The following BBS9 variants were observed in gnomAD, a reference collection of about 807,000 sequenced individuals.
BBS9 encodes the protein protein PTHB1.
BBS9 carries 89 observed loss-of-function variants against 117.7 expected under a neutral mutation model. The ratio of observed to expected loss-of-function variants is 0.76; its 90% CI spans 0.64 to 0.90. The LOEUF is 0.90. BBS9 is among the 40% of genes least tolerant of loss of function. The pLI is 0.00. For missense variants in BBS9, 982 were observed against 1,042.2 expected (o/e 0.94, Z 0.80); for synonymous variants, 379 against 370.9 (o/e 1.02, Z -0.25).
chr7:33,512,252 T>A (rs1847077607), intron 20 of BBS9, among the ~76,000 whole-genome samples: 1 of 152,094 alleles, frequency 6.6e-6, no homozygotes, highest in South Asian at 2.1e-4. Flanking sequence ...TTTTGAAAAA[T>A]TGAAATAGTT....
intron 21 of BBS9, among the ~76,000 whole-genome samples, chr7:33,581,749 C>T (rs1859963959): frequency 6.6e-6 from 1 of 152,092 alleles, no homozygotes; most frequent in Admixed American, 6.6e-5. Context: ...TATATGATCT[C>T]ATTTTATCCT....
chr7:33,539,346 A>T (rs1451895497), intron 21 of BBS9, among the ~76,000 whole-genome samples: 2 of 152,148 alleles, frequency 1.3e-5, no homozygotes, highest in African/African-American at 4.8e-5. Flanking sequence ...CTCCCATGTT[A>T]TGGCTACGTA....
At chr7:33,308,742 A>G (rs1282632448) in intron 9 of BBS9, among the ~76,000 whole-genome samples, 1 of 152,210 alleles carries the variant, frequency 6.6e-6, no homozygotes, top group African/African-American at 2.4e-5. Context: ...CCACATCAGT[A>G]CTTTATGAAC....
At chr7:33,584,733 T>A (rs956786426) in intron 21 of BBS9, among the ~76,000 whole-genome samples, 11 of 152,154 alleles carry the variant, frequency 7.2e-5, no homozygotes, top group Non-Finnish European at 5.9e-5. Flanking sequence ...TACATATACA[T>A]GCATGAGATT....
At chr7:33,194,824 A>AT (rs1293556198) in intron 5 of BBS9, among the ~76,000 whole-genome samples, 2 of 152,270 alleles carry the variant, frequency 1.3e-5, no homozygotes, top group East Asian at 3.9e-4. Flanking sequence ...TCTAGCAGGA[A>AT]TTTTTATATT....
chr7:33,298,302 A>G (rs1805684580), intron 9 of BBS9, among the ~76,000 whole-genome samples: 1 of 152,126 alleles, frequency 6.6e-6, no homozygotes, highest in African/African-American at 2.4e-5. Context: ...AAGCTATTTA[A>G]GTTCTCTGTG....
intron 7 of BBS9, among the ~76,000 whole-genome samples, chr7:33,266,014 T>C (rs1324861309): frequency 2.0e-5 from 3 of 152,186 alleles, no homozygotes; most frequent in Non-Finnish European, 4.4e-5. Context: ...TTGTTTCTTA[T>C]AGTCTGCACT....
intron 21 of BBS9, among the ~76,000 whole-genome samples, chr7:33,574,047 C>G (rs1858288781): frequency 6.6e-6 from 1 of 152,042 alleles, no homozygotes; most frequent in African/African-American, 2.4e-5. Context: ...ATGTGGGGTC[C>G]CAGTGCCCAC....
chr7:33,177,703 A>G, intron 5 of BBS9, 112 bp downstream of exon 5: 1 of 803,106 alleles, frequency 1.2e-6, no homozygotes, highest in Non-Finnish European at 2.1e-6. Context: ...TAAAATAGAC[A>G]TTTTATTGAA....
At chr7:33,488,903 T>C (rs1386209621) in intron 19 of BBS9, among the ~76,000 whole-genome samples, 1 of 152,016 alleles carries the variant, frequency 6.6e-6, no homozygotes, top group Non-Finnish European at 1.5e-5. Flanking sequence ...GTTTACTTGG[T>C]TTTTAGCAGA....
At chr7:33,321,593 C>T (rs561870092) in intron 9 of BBS9, among the ~76,000 whole-genome samples, 129 of 151,918 alleles carry the variant, frequency 8.5e-4, no homozygotes, top group Admixed American at 3.1e-3. Context: ...TGCAAATTTA[C>T]GGAATTTGTT....
intron 9 of BBS9, among the ~76,000 whole-genome samples, chr7:33,319,587 G>A (rs1811257686): frequency 6.6e-6 from 1 of 152,042 alleles, no homozygotes; most frequent in South Asian, 2.1e-4. Context: ...TTTTTTTGCA[G>A]GAGTAAGGTG....
intron 19 of BBS9, among the ~76,000 whole-genome samples, chr7:33,412,219 G>A (rs928386751): frequency 6.6e-6 from 1 of 152,096 alleles, no homozygotes; most frequent in Non-Finnish European, 1.5e-5. Context: ...AAACTATTTA[G>A]CAGGTAAATA....
rs1213710938 is a variant in BBS9, at chr7:33,340,958, C to T, written c.1260C>T (p.Asn420=). ...ACGTTTCTGTCGTGGTTTCTCCTAA[C>T]TTTGATTCAGTTTCTGTAGGTGTAC... ...DLNVSVVVSP[N]FDSVSQATDV... Residue 420 remains asparagine (N), a synonymous_variant, in exon 11 of 23, where the codon AAC becomes AAT. Transcript: ENST00000242067. 6.2e-7 allele frequency: 1 copy of T among 1,613,470 alleles called. No homozygotes were observed. The highest frequency in any genetic ancestry group is 8.5e-7 in the Non-Finnish European group (1 of 1,179,584).
chr7:33,395,850 C>G (rs1827867504), intron 19 of BBS9, among the ~76,000 whole-genome samples: 1 of 152,112 alleles, frequency 6.6e-6, no homozygotes. Flanking sequence ...TGAAACCATT[C>G]AGAGGCCCAC....
Position 33,400,510 on chromosome 7 carries a change from G to T in BBS9, c.2115+12366G>T, listed in dbSNP as rs1001442735. ...TGAACAGTTTGAATTGTGAATTAGC[G>T]ATTATTACAACCCTTATAACCCTCA... is the stretch of plus-strand genomic sequence containing the variant. On this transcript the variant is annotated intron_variant, in intron 19 of 22. Transcript: ENST00000242067. 6.6e-5 allele frequency among the ~76,000 whole-genome samples: 10 copies of T among 151,972 alleles called. No individual in the cohort carries two copies. In the East Asian group the frequency reaches 1.9e-3, roughly 29 times the overall value.
chr7:33,507,051 T>G (rs1359401502), intron 20 of BBS9, among the ~76,000 whole-genome samples: 2 of 152,190 alleles, frequency 1.3e-5, no homozygotes, highest in African/African-American at 4.8e-5. Flanking sequence ...GTTCTAAATC[T>G]CTCTTCTGTA....
chr7:33,183,410 G>A (rs73095378), intron 5 of BBS9, among the ~76,000 whole-genome samples: 17,178 of 152,106 alleles, frequency 0.11, 1,191 homozygotes, highest in Non-Finnish European at 0.16. Flanking sequence ...TAAAATGTAC[G>A]TATAACTTGG....
chr7:33,183,313 T>G (rs116719908), intron 5 of BBS9, among the ~76,000 whole-genome samples: 1,819 of 151,476 alleles, frequency 0.012, 33 homozygotes, highest in African/African-American at 0.043. Flanking sequence ...GAAGACAAAA[T>G]GGAGAAAATT....
Sources: allele counts gnomAD v4.1 joint callset (sites outside exome capture counted in the v4.1 genomes callset), GRCh38; gene constraint gnomAD v4.1.1; transcripts MANE v1.5; gene names NCBI Gene and HGNC (gene_info 2026-07-23, HGNC 2026-07-21).